The following MFSD8 variants were observed in gnomAD, a reference collection of about 807,000 sequenced individuals.
MFSD8 encodes major facilitator superfamily domain containing 8.
In MFSD8, 55 loss-of-function variants were observed where a neutral mutation model predicts 66.4. The ratio of observed to expected loss-of-function variants is 0.83; its 90% CI spans 0.67 to 1.04. The LOEUF is 1.04. Among genes scored for constraint, MFSD8 ranks in the 50% least tolerant of loss-of-function variants. The probability of loss-of-function intolerance (pLI) is 0.00; values close to 1 mark genes in which losing one functional copy is unlikely to be tolerated. For missense variants in MFSD8, 550 were observed against 627.6 expected, an observed-to-expected ratio of 0.88 and a Z score of 1.32; for synonymous variants, 202 against 212.8, an observed-to-expected ratio of 0.95 and a Z score of 0.44.
At chr4:127,926,060 G>T in intron 9 of MFSD8, among the ~76,000 whole-genome samples, 1 of 151,692 alleles carries the variant, frequency 6.6e-6, no homozygotes, top group African/African-American at 2.4e-5. Context: ...ACAGGGAGGG[G>T]AACATCACAC....
At chr4:127,962,630 C>A (rs1743986854) in intron 1 of MFSD8, among the ~76,000 whole-genome samples, 1 of 148,866 alleles carries the variant, frequency 6.7e-6, no homozygotes, top group Non-Finnish European at 1.5e-5. Context: ...GCACTCCAGG[C>A]TCACCACTGC....
In MFSD8 at chr4:127,917,972, A is replaced by T. The variant is rs138394198; in HGVS notation, c.*2658T>A. On this transcript the variant is annotated 3_prime_UTR_variant, in exon 12 of 12. Coordinates refer to ENST00000641686, the MANE Select transcript of MFSD8 (RefSeq NM_001371596.2). ...GCAGGTAAGTAGTTTATCCTTGTCA[A>T]AACAAAAAATTAACAGATTTCACTT... 1 of 152,332 alleles carries T rather than the reference A, an allele frequency of 6.6e-6. No homozygotes were observed. Among genetic ancestry groups the T allele is most frequent in the East Asian group, 1.9e-4 (1 of 5,186 alleles). 9.4% of individuals were successfully genotyped at this position (152,332 alleles called of 1,614,324 possible).
At chr4:127,952,830 A>T (rs572093468) in intron 2 of MFSD8, among the ~76,000 whole-genome samples, 18 of 149,960 alleles carry the variant, frequency 1.2e-4, no homozygotes, top group Non-Finnish European at 2.2e-4. Context: ...AGATCGTGCT[A>T]CTGCACTTCA....
At chr4:127,963,084 C>T (rs1579013118) in intron 1 of MFSD8, among the ~76,000 whole-genome samples, 1 of 152,120 alleles carries the variant, frequency 6.6e-6, no homozygotes, top group Non-Finnish European at 1.5e-5. Context: ...CGAGTCACTG[C>T]CCATAAACTA....
At chr4:127,939,604 C>CAAAA (rs10553488) in intron 6 of MFSD8, 23 of 81,094 alleles carry the variant, frequency 2.8e-4, no homozygotes, top group South Asian at 6.2e-4. Flanking sequence ...GATCTTGTCT[C>CAAAA]AAAAAAAAAA....
chr4:127,955,225 A>AACCC (rs1042271153), intron 2 of MFSD8, among the ~76,000 whole-genome samples: 2 of 152,200 alleles, frequency 1.3e-5, no homozygotes, highest in African/African-American at 2.4e-5. Context: ...AGGTGGAAGC[A>AACCC]ACCCAAATGT....
intron 6 of MFSD8, 58 bp downstream of exon 6, chr4:127,939,795 C>A (rs1739829301): frequency 1.3e-6 from 2 of 1,521,646 alleles, no homozygotes; most frequent in South Asian, 1.1e-5. Flanking sequence ...CCAACAATTA[C>A]AAAGCTCATT....
intron 7 of MFSD8, among the ~76,000 whole-genome samples, chr4:127,933,923 G>A (rs988323009): frequency 2.6e-5 from 4 of 151,920 alleles, no homozygotes; most frequent in Admixed American, 2.6e-4. Context: ...CAGGAGTGGT[G>A]GCTCATACAT....
intron 7 of MFSD8, among the ~76,000 whole-genome samples, chr4:127,935,153 C>T (rs1334985771): frequency 6.6e-6 from 1 of 152,188 alleles, no homozygotes; most frequent in Non-Finnish European, 1.5e-5. Context: ...ACAAAGAGAA[C>T]TGGCCACCTT....
chr4:127,921,013 A>T, intron 11 of MFSD8, 177 bp from the exon 12 acceptor site: 2 of 621,396 alleles, frequency 3.2e-6, no homozygotes, highest in Non-Finnish European at 5.5e-6. Context: ...AAGTCAGATT[A>T]AAAAAAATAA....
At chr4:127,930,524 C>T (rs1737945439) in intron 9 of MFSD8, 159 bp downstream of exon 9, 3 of 777,110 alleles carry the variant, frequency 3.9e-6, no homozygotes, top group Non-Finnish European at 6.1e-6. Flanking sequence ...CAAAGAAATG[C>T]TGTAATGTAT....
intron 1 of MFSD8, among the ~76,000 whole-genome samples, chr4:127,959,297 A>G (rs1347379245): frequency 6.6e-6 from 1 of 152,236 alleles, no homozygotes; most frequent in Non-Finnish European, 1.5e-5. Flanking sequence ...AGAAAGAGAT[A>G]GGTCAAAGGA....
upstream of MFSD8, chr4:127,965,288 T>C (rs1034770149): frequency 4.3e-6 from 4 of 933,938 alleles, no homozygotes; most frequent in Admixed American, 2.1e-5. Context: ...ATAGGCGGGG[T>C]CACGCGGAAG....
At chr4:127,930,574 G>T in intron 9 of MFSD8, 109 bp downstream of exon 9, 1 of 1,226,242 alleles carries the variant, frequency 8.2e-7, no homozygotes, top group East Asian at 2.4e-5. Context: ...AAATTTGTGT[G>T]CAAAAAAAAG....
At chr4:127,943,212 C>A (rs72681856) in intron 4 of MFSD8, among the ~76,000 whole-genome samples, 13,036 of 145,892 alleles carry the variant, frequency 0.089, 779 homozygotes, top group East Asian at 0.25. Context: ...AGTAAGACTC[C>A]GTTTCAAAAA....
At chr4:127,954,093 C>T (rs1439940306) in intron 2 of MFSD8, among the ~76,000 whole-genome samples, 1 of 152,182 alleles carries the variant, frequency 6.6e-6, no homozygotes, top group African/African-American at 2.4e-5. Flanking sequence ...CCTTTAAAAA[C>T]TATCACAATA....
chr4:127,960,258 G>C (rs1743524083), intron 1 of MFSD8, among the ~76,000 whole-genome samples: 1 of 152,252 alleles, frequency 6.6e-6, no homozygotes, highest in Non-Finnish European at 1.5e-5. Flanking sequence ...GCCAGGCGCA[G>C]TGGCTCATGC....
At position 127,940,552 on chromosome 4, in the gene MFSD8, A is replaced by G. The variant is rs13130020; in HGVS notation, c.554-555T>C. ...TATATATATATATGTGTGTGTGTGT[A>G]TATATTTATTATCATTTGACCATAG... is the stretch of plus-strand genomic sequence containing the variant. On this transcript the variant is annotated intron_variant, in intron 5 of 11. Coordinates refer to ENST00000641686, the MANE Select transcript of MFSD8 (RefSeq NM_001371596.2). 3.6e-3 allele frequency among the ~76,000 whole-genome samples: 522 copies of G among 143,544 alleles called. 6 individuals are homozygous for G. Among genetic ancestry groups the G allele is most frequent in the African/African-American group, 0.012 (480 of 38,666 alleles). The allele number at this position is 143,544 out of a possible 152,430, so 94.2% of individuals were successfully genotyped here. A position where few individuals can be genotyped will look rare whatever the true frequency, so the allele number is the denominator to read the frequency against.
intron 9 of MFSD8, among the ~76,000 whole-genome samples, chr4:127,923,323 G>A (rs1736623414): frequency 6.6e-6 from 1 of 152,090 alleles, no homozygotes; most frequent in Non-Finnish European, 1.5e-5. Context: ...TTTATTGAGT[G>A]TTGTTAGCAT....
Sources: allele counts gnomAD v4.1 joint callset (sites outside exome capture counted in the v4.1 genomes callset), GRCh38; gene constraint gnomAD v4.1.1; transcripts MANE v1.5; gene names NCBI Gene and HGNC (gene_info 2026-07-23, HGNC 2026-07-21).